The following SHC4 variants were observed in gnomAD, a reference collection of about 807,000 sequenced individuals.
SHC4 encodes SHC-transforming protein 4.
Under a neutral mutation model 69.4 loss-of-function variants are expected in SHC4, and 41 were observed. The ratio of observed to expected loss-of-function variants is 0.59; its 90% confidence interval spans 0.46 to 0.77. The LOEUF (loss-of-function observed/expected upper bound fraction) is 0.77, where lower values mean the gene tolerates loss of function less well. Among genes scored for constraint, SHC4 ranks in the 30% least tolerant of loss-of-function variants. The pLI is 0.00. For missense variants in SHC4, 777 were observed against 783.8 expected (o/e 0.99, Z 0.10); for synonymous variants, 318 against 299.3 (o/e 1.06, Z -0.64).
At chr15:48,915,989 A>G (rs1567068999) in intron 2 of SHC4, among the ~76,000 whole-genome samples, 1 of 152,178 alleles carries the variant, frequency 6.6e-6, no homozygotes, top group Non-Finnish European at 1.5e-5. Flanking sequence ...AAGTCAACAC[A>G]GAATCCACAT....
intron 6 of SHC4, among the ~76,000 whole-genome samples, chr15:48,859,598 G>C (rs1257515292): frequency 6.6e-6 from 1 of 152,118 alleles, no homozygotes; most frequent in East Asian, 1.9e-4. Flanking sequence ...GTGACCAACA[G>C]ATAGAAAATG....
intron 2 of SHC4, among the ~76,000 whole-genome samples, chr15:48,914,412 C>A (rs1047790949): frequency 6.6e-6 from 1 of 152,192 alleles, no homozygotes; most frequent in Non-Finnish European, 1.5e-5. Context: ...TTACTCCTTT[C>A]GAGGTGATTT....
chr15:48,896,605 C>T (rs1199813138), intron 2 of SHC4, among the ~76,000 whole-genome samples: 1 of 152,150 alleles, frequency 6.6e-6, no homozygotes, highest in African/African-American at 2.4e-5. Flanking sequence ...CAGACATGAG[C>T]CACCGCGCCC....
chr15:48,883,663 G>T (rs1899983329), intron 4 of SHC4, among the ~76,000 whole-genome samples: 1 of 152,182 alleles, frequency 6.6e-6, no homozygotes, highest in Non-Finnish European at 1.5e-5. Flanking sequence ...ATTTGCTTCA[G>T]CAATGCTGTT....
At chr15:48,921,599 C>T (rs1268247103) in intron 2 of SHC4, among the ~76,000 whole-genome samples, 1 of 152,184 alleles carries the variant, frequency 6.6e-6, no homozygotes, top group Non-Finnish European at 1.5e-5. Flanking sequence ...CCTCCCAGTG[C>T]TGGGATTACA....
At chr15:48,836,733 C>T (rs1035241842) in intron 10 of SHC4, among the ~76,000 whole-genome samples, 1 of 152,144 alleles carries the variant, frequency 6.6e-6, no homozygotes, top group Admixed American at 6.5e-5. Flanking sequence ...CTGGTGTAGG[C>T]AACCAGTGTG....
intron 10 of SHC4, among the ~76,000 whole-genome samples, chr15:48,838,127 A>T (rs2140969736): frequency 6.6e-6 from 1 of 152,378 alleles, no homozygotes; most frequent in South Asian, 2.1e-4. Context: ...GCAATTTAAA[A>T]TAGTGAAGAT....
chr15:48,842,476 C>G (rs1899009370), intron 10 of SHC4, among the ~76,000 whole-genome samples: 1 of 152,162 alleles, frequency 6.6e-6, no homozygotes, highest in African/African-American at 2.4e-5. Flanking sequence ...ATCAACATTT[C>G]TAAACCTTGA....
intron 11 of SHC4, among the ~76,000 whole-genome samples, chr15:48,828,909 G>A (rs547613949): frequency 1.3e-5 from 2 of 152,022 alleles, no homozygotes; most frequent in Non-Finnish European, 2.9e-5. Flanking sequence ...ATATATTTTG[G>A]ATATTAACTC....
intron 6 of SHC4, among the ~76,000 whole-genome samples, chr15:48,863,884 A>C (rs1899501353): frequency 6.6e-6 from 1 of 152,036 alleles, no homozygotes; most frequent in African/African-American, 2.4e-5. Flanking sequence ...TCTTACGAAA[A>C]CCGCCTTATT....
At chr15:48,836,023 C>CAAAAAAAA (rs57343981) in intron 10 of SHC4, among the ~76,000 whole-genome samples, 1 of 60,140 alleles carries the variant, frequency 1.7e-5, no homozygotes, top group African/African-American at 7.3e-5. Context: ...ACAAAAAATC[C>CAAAAAAAA]AAAAAAAAAA....
chr15:48,961,199 CAAAT>C (rs1426715970), intron 1 of SHC4, among the ~76,000 whole-genome samples: 6 of 152,166 alleles, frequency 3.9e-5, no homozygotes, highest in African/African-American at 1.4e-4. Flanking sequence ...CAATCCATGT[CAAAT>C]AAATCAACCA....
chr15:48,957,278 G>A (rs1373597781), intron 1 of SHC4, among the ~76,000 whole-genome samples: 6 of 152,056 alleles, frequency 3.9e-5, no homozygotes, highest in Admixed American at 3.9e-4. Context: ...GTGCCTGGCT[G>A]AAACTTCTTT....
intron 10 of SHC4, among the ~76,000 whole-genome samples, chr15:48,842,148 C>T (rs1028636797): frequency 6.6e-6 from 1 of 152,108 alleles, no homozygotes; most frequent in East Asian, 1.9e-4. Context: ...AGGCTTTTGG[C>T]TTGTTTTATT....
chr15:48,896,810 A>C (rs922807077), intron 2 of SHC4, among the ~76,000 whole-genome samples: 2 of 152,262 alleles, frequency 1.3e-5, no homozygotes, highest in African/African-American at 4.8e-5. Context: ...AAGGACAGGC[A>C]GATAGATGCC....
At chr15:48,854,979 T>C (rs1191035036) in intron 8 of SHC4, among the ~76,000 whole-genome samples, 2 of 152,094 alleles carry the variant, frequency 1.3e-5, no homozygotes, top group African/African-American at 4.8e-5. Context: ...AAATTGAATT[T>C]AGTACACATG....
chr15:48,910,247 T>G (rs1335777814), intron 2 of SHC4, among the ~76,000 whole-genome samples: 1 of 152,130 alleles, frequency 6.6e-6, no homozygotes, highest in Non-Finnish European at 1.5e-5. Flanking sequence ...TGCTTGTTAT[T>G]GGTCTGTTCG....
intron 10 of SHC4, among the ~76,000 whole-genome samples, chr15:48,836,134 A>T (rs1226219341): frequency 6.6e-6 from 1 of 151,914 alleles, no homozygotes; most frequent in East Asian, 1.9e-4. Flanking sequence ...CAGAGGTTGC[A>T]ATGAGCCAAG....
chr15:48,943,209 A>G (rs1901206624), intron 1 of SHC4, among the ~76,000 whole-genome samples: 1 of 152,114 alleles, frequency 6.6e-6, no homozygotes, highest in South Asian at 2.1e-4. Flanking sequence ...AGACCTATTC[A>G]TCCCATGTAA....
Sources: gnomAD v4.1 joint callset for allele counts (sites outside exome capture counted in the v4.1 genomes callset) on GRCh38, gnomAD v4.1.1 for gene constraint, MANE v1.5 for transcripts, NCBI Gene and HGNC (gene_info 2026-07-23, HGNC 2026-07-21) for gene names.